The following TMEM98 variants were observed in gnomAD, a reference collection of about 807,000 sequenced individuals.
TMEM98 encodes transmembrane protein 98.
TMEM98 carries 18 observed loss-of-function variants against 25.0 expected under a neutral mutation model. The ratio of observed to expected loss-of-function variants is 0.72; its 90% CI spans 0.50 to 1.07. The LOEUF (loss-of-function observed/expected upper bound fraction) is 1.07. TMEM98 is among the 50% of genes least tolerant of loss of function. The probability of loss-of-function intolerance (pLI) is 0.00; values close to 1 mark genes in which losing one functional copy is unlikely to be tolerated. For missense variants in TMEM98, 241 were observed against 289.0 expected (o/e 0.83, Z 1.20); for synonymous variants, 103 against 112.4 (o/e 0.92, Z 0.53).
At position 32,941,040 on chromosome 17, in the gene TMEM98, T is replaced by A; in HGVS notation, c.*47T>A. The A allele has an allele frequency of 6.7e-7, 1 of 1,496,206 alleles. No homozygotes were observed. Among genetic ancestry groups the A allele is most frequent in the Non-Finnish European group, 9.1e-7 (1 of 1,101,536 alleles). The allele number at this position is 1,496,206 out of a possible 1,614,324, so 92.7% of individuals were successfully genotyped here. ...CCATGAAGGCCCCTGCCGCCATCCC[T>A]GGATGGCTCAGCTTAGCCTTCTACT... On this transcript the variant is annotated 3_prime_UTR_variant, in exon 8 of 8. Transcript: ENST00000579849.
chr17:32,936,403 C>T lies in TMEM98; in HGVS notation c.369C>T (p.Ala123=). Residue 123 remains alanine (A), a synonymous_variant, in exon 6 of 8, where the codon GCC becomes GCT. Transcript: ENST00000579849. ...MGSGAKMKTS[A]SVSDIIVVAK... ...CTGGGGCCAAGATGAAGACTTCAGC[C>T]AGTGTCAGCGACATCATTGTGGTGG... 6.2e-7 allele frequency: 1 copy of T among 1,614,228 alleles called. No individual in the cohort carries two copies. Among genetic ancestry groups the T allele is most frequent in the South Asian group, 1.1e-5 (1 of 91,084 alleles).
In TMEM98 at chr17:32,931,538, G is replaced by C. The variant is rs757050347; in HGVS notation, c.10G>C (p.Val4Leu). 1.2e-6 allele frequency: 2 copies of C among 1,605,252 alleles called. No individual in the cohort carries two copies. Among genetic ancestry groups the C allele is most frequent in the South Asian group, 2.2e-5 (2 of 89,068 alleles). MET[V>L]VIVAIGVLAT... Reference sequence around the variant, plus strand: ...GGAGCCCTCTGGAAGCATGGAGACTGTGGTGATTGTTGCCATAGGTGTGCT... The same window carrying C: ...GGAGCCCTCTGGAAGCATGGAGACTCTGGTGATTGTTGCCATAGGTGTGCT... The change falls in exon 3 of 8, where the codon GTG (valine) becomes CTG (leucine). Residue 4 changes from valine to leucine, a missense_variant. Transcript: ENST00000579849.
At chr17:32,939,393 C>G (rs572063824) in intron 6 of TMEM98, 84 bp from the exon 7 acceptor site, 2 of 1,422,498 alleles carry the variant, frequency 1.4e-6, no homozygotes, top group Non-Finnish European at 1.9e-6. Flanking sequence ...GGTGACAGAG[C>G]GAGACTCTGT....
At chr17:32,937,570 G>A (rs1401336862) in intron 6 of TMEM98, among the ~76,000 whole-genome samples, 1 of 152,080 alleles carries the variant, frequency 6.6e-6, no homozygotes, top group Non-Finnish European at 1.5e-5. Context: ...TGGGCACTGG[G>A]CATTCCTTCC....
chr17:32,936,495 A>C (rs2091497373), intron 6 of TMEM98, 48 bp downstream of exon 6: 6 of 1,529,102 alleles, frequency 3.9e-6, no homozygotes, highest in Non-Finnish European at 5.4e-6. Context: ...GAGGGAAGAG[A>C]GGGGCTGGAA....
At chr17:32,937,257 C>T (rs976345635) in intron 6 of TMEM98, among the ~76,000 whole-genome samples, 2 of 151,804 alleles carry the variant, frequency 1.3e-5, no homozygotes, top group Non-Finnish European at 2.9e-5. Flanking sequence ...GGGGCCCACA[C>T]GTTCCTTGTT....
rs930995403 is a variant in TMEM98, at chr17:32,943,315, A to G, written c.*2322A>G. On this transcript the variant is annotated 3_prime_UTR_variant, in exon 8 of 8. Coordinates refer to ENST00000579849, the MANE Select transcript of TMEM98 (RefSeq NM_015544.3). ...GAAGCAGTCTTTGGGGTAGGAGGCA[A>G]TGCCACTCCTCTAGGCCCTTCGGGA... The G allele has an allele frequency of 2.0e-5, 3 of 152,170 alleles. No individual in the cohort carries two copies. The highest frequency in any genetic ancestry group is 2.1e-4 in the South Asian group (1 of 4,830). 9.4% of individuals were successfully genotyped at this position (152,170 alleles called of 1,614,324 possible).
At chr17:32,933,433 C>A in intron 4 of TMEM98, 128 bp downstream of exon 4, 1 of 1,318,168 alleles carries the variant, frequency 7.6e-7, no homozygotes, top group Non-Finnish European at 1.1e-6. Context: ...TTTCCTGTGC[C>A]TTTAGTGTGG....
intron 3 of TMEM98, 146 bp downstream of exon 3, chr17:32,931,805 C>G: frequency 9.0e-7 from 1 of 1,107,780 alleles, no homozygotes; most frequent in Non-Finnish European, 1.3e-6. Flanking sequence ...GTAAAGACCT[C>G]AGAGTTTAAG....
intron 5 of TMEM98, 55 bp from the exon 6 acceptor site, chr17:32,936,277 G>A (rs2091495729): frequency 1.9e-5 from 28 of 1,443,530 alleles, no homozygotes; most frequent in Non-Finnish European, 2.6e-5. Context: ...TGGGGGTGGC[G>A]AGGCCCTGAG....
At chr17:32,937,335 G>T (rs114583174) in intron 6 of TMEM98, among the ~76,000 whole-genome samples, 1 of 152,134 alleles carries the variant, frequency 6.6e-6, no homozygotes, top group South Asian at 2.1e-4. Flanking sequence ...AAATAAAAAC[G>T]ACCAGTTTCC....
At chr17:32,936,591 AC>A in intron 6 of TMEM98, 144 bp downstream of exon 6, 1 of 697,558 alleles carries the variant, frequency 1.4e-6, no homozygotes, top group Non-Finnish European at 2.4e-6. Context: ...TTACAGAGTG[AC>A]CAGGAGGGTT....
chr17:32,934,129 T>C (rs1026981235), intron 4 of TMEM98, among the ~76,000 whole-genome samples, 162 bp from the exon 5 acceptor site: 1 of 152,134 alleles, frequency 6.6e-6, no homozygotes, highest in African/African-American at 2.4e-5. Context: ...CTCCCTCCTT[T>C]AACTCATGGG....
intron 7 of TMEM98, among the ~76,000 whole-genome samples, chr17:32,939,761 T>C (rs1448592162): frequency 6.6e-6 from 1 of 152,184 alleles, no homozygotes; most frequent in African/African-American, 2.4e-5. Context: ...CAGTCTTAGA[T>C]TTTAAATTGT....
rs1057055273 is a variant in TMEM98, at chr17:32,931,581, C to T, written c.53C>T (p.Ala18Val). ...GGTGTGCTGGCCACCATCTTTCTGG[C>T]TTCGTTTGCAGCCTTGGTGCTGGTT... ...AIGVLATIFL[A>V]SFAALVLVCR... The change falls in exon 3 of 8, where the codon GCT becomes GTT. Residue 18 changes from alanine (A) to valine (V), a missense_variant. By Grantham distance (64) the Ala-to-Val change is moderately conservative. Transcript: ENST00000579849. 5 of 1,604,440 alleles carry T rather than the reference C, an allele frequency of 3.1e-6. No homozygotes were observed. Among genetic ancestry groups the T allele is most frequent in the Non-Finnish European group, 4.3e-6 (5 of 1,175,782 alleles).
chr17:32,939,409 GAA>G (rs534652551), intron 6 of TMEM98, 66 bp from the exon 7 acceptor site: 938 of 1,272,992 alleles, frequency 7.4e-4, no homozygotes, highest in East Asian at 3.6e-3. Context: ...TCTGTCTCAG[GAA>G]AAAAAAAAAA....
chr17:32,931,971 C>T (rs1468499926), intron 3 of TMEM98, among the ~76,000 whole-genome samples: 1 of 152,204 alleles, frequency 6.6e-6, no homozygotes, highest in East Asian at 1.9e-4. Context: ...TAAGCCAAAT[C>T]ACTTTCCAGC....
rs2091496667 is a variant in TMEM98 at position 32,936,419 on chromosome 17, A to G, written c.385A>G (p.Ile129Val). ...GACTTCAGCCAGTGTCAGCGACATCATTGTGGTGGCCAAGCGGATCAGCCC... is the reference window on the plus strand; with the variant it reads ...GACTTCAGCCAGTGTCAGCGACATCGTTGTGGTGGCCAAGCGGATCAGCCC... ...MKTSASVSDI[I>V]VVAKRISPRV... The change falls in exon 6 of 8, where the codon ATT becomes GTT. Residue 129 changes from isoleucine (I) to valine (V), a missense_variant. Coordinates refer to ENST00000579849, the MANE Select transcript of TMEM98 (RefSeq NM_015544.3). 1 of 1,614,160 alleles carries G rather than the reference A, an allele frequency of 6.2e-7. No individual in the cohort carries two copies. The highest frequency in any genetic ancestry group is 8.5e-7 in the Non-Finnish European group (1 of 1,180,022).
At chr17:32,934,401 C>T (rs1567697497) in intron 5 of TMEM98, 77 bp downstream of exon 5, 4 of 1,548,388 alleles carry the variant, frequency 2.6e-6, no homozygotes, top group Non-Finnish European at 3.6e-6. Flanking sequence ...TAGAACGGGA[C>T]CTTAGAAAGG....
Sources: gnomAD v4.1 joint callset for allele counts (sites outside exome capture counted in the v4.1 genomes callset) on GRCh38, gnomAD v4.1.1 for gene constraint, MANE v1.5 for transcripts, NCBI Gene and HGNC (gene_info 2026-07-23, HGNC 2026-07-21) for gene names.